TAF1L: variants seen among roughly 807,000 people sequenced by gnomAD.
TAF1L encodes transcription initiation factor TFIID subunit 1-like.
Under a neutral mutation model 128.8 loss-of-function variants are expected in TAF1L, and 30 were observed. The ratio of observed to expected loss-of-function variants is 0.23; its 90% confidence interval spans 0.17 to 0.32. The LOEUF (loss-of-function observed/expected upper bound fraction) is 0.32. Ranked by LOEUF, TAF1L falls within the 10% of genes least tolerant of loss-of-function variation. The pLI is 1.00. For missense variants in TAF1L, 2,099 were observed against 2,253.7 expected (o/e 0.93, Z 1.39); for synonymous variants, 764 against 790.7 (o/e 0.97, Z 0.57).
At position 32,631,666 on chromosome 9, in the gene TAF1L, T is replaced by C; in HGVS notation, c.3914A>G (p.Asn1305Ser). ...GGCAACAGGTTTCGAAGGTGGCACA[T>C]TTGTTTGATAATAGAGGGGGCAGAA... ...NKFCPLYYQT[N>S]VPPSKPVAMT... Residue 1305 changes from asparagine (N) to serine (S), a missense_variant, in exon 1 of 1, where the codon AAT (asparagine) becomes AGT (serine). Around this residue, in one of 4 missense-constraint regions of TAF1L, gnomAD observed 1,213 missense variants for 1,391.4 expected, o/e 0.87. Coordinates refer to ENST00000242310, the MANE Select transcript of TAF1L (RefSeq NM_153809.2). The surrounding 1 kb of genome is among the most constrained non-coding windows in gnomAD (Gnocchi z 4.1). 2.5e-6 allele frequency: 4 copies of C among 1,614,202 alleles called. No homozygotes were observed. Among genetic ancestry groups the C allele is most frequent in the Non-Finnish European group, 3.4e-6 (4 of 1,180,022 alleles).
At position 32,633,700 on chromosome 9, in the gene TAF1L, C is replaced by A; in HGVS notation, c.1880G>T (p.Gly627Val). The change falls in exon 1 of 1, where the codon GGG becomes GTG. Residue 627 changes from glycine (G) to valine (V), a missense_variant. By Grantham distance (109) the Gly-to-Val change is moderately radical. Coordinates refer to ENST00000242310, the MANE Select transcript of TAF1L (RefSeq NM_153809.2). ...ATGGAACTGCCGGATTTTGATGGGC[C>A]CCATGTGGGTGGGAAAGAAGGGCTG... ...LWQPFFPTHM[G>V]PIKIRQFHRP... The A allele has an allele frequency of 1.2e-6, 2 of 1,614,066 alleles. No individual in the cohort carries two copies. The highest frequency in any genetic ancestry group is 1.7e-6 in the Non-Finnish European group (2 of 1,180,016).
rs767578287 is a variant in TAF1L at position 32,633,263 on chromosome 9, G to C, written c.2317C>G (p.Leu773Val). The change falls in exon 1 of 1, where the codon CTT (leucine) becomes GTT (valine). Residue 773 changes from leucine to valine, a missense_variant. By Grantham distance (32) the Leu-to-Val change is conservative. Transcript: ENST00000242310. ...AAATCAGTTTCTGGCATCTTATGAAGATACACTGGAGCACGAAAAAGGTTG... is the reference window on the plus strand; with the variant it reads ...AAATCAGTTTCTGGCATCTTATGAACATACACTGGAGCACGAAAAAGGTTG... ...ENNLFRAPVY[L>V]HKMPETDFLI... 1 of 1,614,144 alleles carries C rather than the reference G, an allele frequency of 6.2e-7. No homozygotes were observed. The highest frequency in any genetic ancestry group is 8.5e-7 in the Non-Finnish European group (1 of 1,180,020).
Position 32,635,477 on chromosome 9 carries a change from A to G in TAF1L, c.103T>C (p.Phe35Leu), listed in dbSNP as rs1218310382. The change falls in exon 1 of 1, where the codon TTT becomes CTT. Residue 35 changes from phenylalanine (F) to leucine (L), a missense_variant. Coordinates refer to ENST00000242310, the MANE Select transcript of TAF1L (RefSeq NM_153809.2). ...CCGAAAAGGATACCCGCTAAAGTAA[A>G]TGGGCCACCTCCAGATGAATCTTCC... is the stretch of plus-strand genomic sequence containing the variant. ...SEEDSSGGGP[F>L]TLAGILFGNI... 1 of 1,614,096 alleles carries G rather than the reference A, an allele frequency of 6.2e-7. No homozygotes were observed. Among genetic ancestry groups the G allele is most frequent in the Non-Finnish European group, 8.5e-7 (1 of 1,180,010 alleles).
rs760309345 is a variant in TAF1L, at chr9:32,631,998, C to T, written c.3582G>A (p.Glu1194=). 3 of 1,614,228 alleles carry T rather than the reference C, an allele frequency of 1.9e-6. No individual in the cohort carries two copies. Among genetic ancestry groups the T allele is most frequent in the East Asian group, 4.5e-5 (2 of 44,888 alleles). ...LKIYRTFRDE[E]GKEYVRCETV... is the part of the protein sequence containing the mutation. ...TCTCACAGCGAACATACTCTTTCCC[C>T]TCTTCATCTCGAAATGTGCGATAAA... The change falls in exon 1 of 1, where the codon GAG becomes GAA. Residue 1194 remains glutamate (E), a synonymous_variant. Coordinates refer to ENST00000242310, the MANE Select transcript of TAF1L (RefSeq NM_153809.2). This position sits in a 1 kb window ranked among gnomAD's most constrained non-coding sequence, Gnocchi z 4.1.
In TAF1L at chr9:32,635,005, G is replaced by C. The variant is rs1822564531; in HGVS notation, c.575C>G (p.Pro192Arg). 3.7e-6 allele frequency: 6 copies of C among 1,614,080 alleles called. No homozygotes were observed. Among genetic ancestry groups the C allele is most frequent in the Non-Finnish European group, 5.1e-6 (6 of 1,180,010 alleles). ...CACTTTCTCTGAGGCCAAAAAGGAA[G>C]GGGCAATGATGGAGGGCAAGATGAT... ...EDIILPSIIA[P>R]SFLASEKVDF... The change falls in exon 1 of 1, where the codon CCT (proline) becomes CGT (arginine). Residue 192 changes from proline to arginine, a missense_variant. Transcript: ENST00000242310.
In TAF1L at chr9:32,631,055, G is replaced by A. The variant is rs775083365; in HGVS notation, c.4525C>T (p.Arg1509Cys). 11 of 1,614,058 alleles carry A rather than the reference G, an allele frequency of 6.8e-6. No homozygotes were observed. The highest frequency in any genetic ancestry group is 4.0e-5 in the African/African-American group (3 of 74,926). ...AAGGGGTTGATAGCTTTCTCTAAGC[G>A]AGCTAATTTGTCTTCTTTCTCTTTA... ...KLKEKEDKLA[R>C]LEKAINPLLD... The change falls in exon 1 of 1, where the codon CGC becomes TGC. Residue 1509 changes from arginine (R) to cysteine (C), a missense_variant. By Grantham distance (180) the Arg-to-Cys change is radical. Transcript: ENST00000242310. This position sits in a 1 kb window ranked among gnomAD's most constrained non-coding sequence, Gnocchi z 4.1.
At position 32,632,079 on chromosome 9, in the gene TAF1L, A is replaced by G. The variant is rs771826704; in HGVS notation, c.3501T>C (p.Asp1167=). 14 of 1,614,120 alleles carry G rather than the reference A, an allele frequency of 8.7e-6. No individual in the cohort carries two copies. The highest frequency in any genetic ancestry group is 1.6e-4 in the Middle Eastern group (1 of 6,062). Residue 1167 remains aspartate, a synonymous_variant, in exon 1 of 1, where the codon GAT becomes GAC. Transcript: ENST00000242310. The surrounding 1 kb of genome is among the most constrained non-coding windows in gnomAD (Gnocchi z 4.4). ...SAASGNNHRD[D]VTASMTSLKS... ...TAAGGCTAGTCATGGAAGCTGTGAC[A>G]TCATCTCTGTGATTGTTTCCTGATG...
At position 32,634,484 on chromosome 9, in the gene TAF1L, G is replaced by C; in HGVS notation, c.1096C>G (p.Arg366Gly). The change falls in exon 1 of 1, where the codon CGA (arginine) becomes GGA (glycine). Residue 366 changes from arginine (R) to glycine (G), a missense_variant. Around this residue, in one of 4 missense-constraint regions of TAF1L, gnomAD observed 1,213 missense variants for 1,391.4 expected, o/e 0.87. Transcript: ENST00000242310. ...RVAEWRYGPA[R>G]LWYDMLGVSE... Reference sequence around the variant, plus strand: ...ACACCCAGCATATCATACCACAGTCGGGCAGGCCCATAACGCCACTCAGCC... The same window carrying C: ...ACACCCAGCATATCATACCACAGTCCGGCAGGCCCATAACGCCACTCAGCC... 1.9e-6 allele frequency: 3 copies of C among 1,614,112 alleles called. No homozygotes were observed. The highest frequency in any genetic ancestry group is 2.5e-6 in the Non-Finnish European group (3 of 1,180,034).
Position 32,632,077 on chromosome 9 carries a change from A to G in TAF1L, c.3503T>C (p.Val1168Ala), listed in dbSNP as rs748012537. ...AASGNNHRDD[V>A]TASMTSLKSS... ...CTTAAGGCTAGTCATGGAAGCTGTG[A>G]CATCATCTCTGTGATTGTTTCCTGA... Residue 1168 changes from valine (V) to alanine (A), a missense_variant, in exon 1 of 1, where the codon GTC becomes GCC. Around this residue, in one of 4 missense-constraint regions of TAF1L, gnomAD observed 1,213 missense variants for 1,391.4 expected, o/e 0.87. Transcript: ENST00000242310. The surrounding 1 kb of genome is among the most constrained non-coding windows in gnomAD (Gnocchi z 4.4). 6.2e-7 allele frequency: 1 copy of G among 1,614,132 alleles called. No homozygotes were observed. Among genetic ancestry groups the G allele is most frequent in the Admixed American group, 1.7e-5 (1 of 60,020 alleles).
rs775521378 is a variant in TAF1L at position 32,634,675 on chromosome 9, T to A, written c.905A>T (p.Glu302Val). 1 of 1,614,148 alleles carries A rather than the reference T, an allele frequency of 6.2e-7. No individual in the cohort carries two copies. Among genetic ancestry groups the A allele is most frequent in the South Asian group, 1.1e-5 (1 of 91,080 alleles). Residue 302 changes from glutamate (E) to valine (V), a missense_variant, in exon 1 of 1, where the codon GAA (glutamate) becomes GTA (valine). By Grantham distance (121) the Glu-to-Val change is moderately radical. This residue lies in a region of TAF1L where 473 missense variants were observed against 429.6 expected (regional missense o/e 1.10). Coordinates refer to ENST00000242310, the MANE Select transcript of TAF1L (RefSeq NM_153809.2). ...EQIQEVECSV[E>V]SEVSQKSLWN... ...CAAAGACTTCTGGCTGACTTCTGAT[T>A]CTACTGAGCATTCCACCTCCTGGAT...
At position 32,629,807 on chromosome 9, in the gene TAF1L, C is replaced by A. The variant is rs1822493390; in HGVS notation, c.*292G>T. On this transcript the variant is annotated 3_prime_UTR_variant, in exon 1 of 1. Coordinates refer to ENST00000242310, the MANE Select transcript of TAF1L (RefSeq NM_153809.2). ...CGAGTATCTGGGGATTACAGGCGTG[C>A]ACCACCACACCTGGCTAATTTTTGT... 1 of 538,226 alleles carries A rather than the reference C, an allele frequency of 1.9e-6. No individual in the cohort carries two copies. The highest frequency in any genetic ancestry group is 3.3e-6 in the Non-Finnish European group (1 of 304,598). The allele number at this position is 538,226 out of a possible 1,614,324, so 33.3% of individuals were successfully genotyped here.
In TAF1L at chr9:32,635,052, A is replaced by G. The variant is rs995990072; in HGVS notation, c.528T>C (p.Cys176=). 2 of 1,613,994 alleles carry G rather than the reference A, an allele frequency of 1.2e-6. No individual in the cohort carries two copies. Among genetic ancestry groups the G allele is most frequent in the African/African-American group, 2.7e-5 (2 of 74,886 alleles). ...KKDKDQDAIT[C]VSESGEDIIL... is the part of the protein sequence containing the mutation. Reference sequence around the variant, plus strand: ...TGATGTCTTCTCCACTTTCAGACACACAGGTAATAGCATCTTGGTCCTTAT... The same window carrying G: ...TGATGTCTTCTCCACTTTCAGACACGCAGGTAATAGCATCTTGGTCCTTAT... The change falls in exon 1 of 1, where the codon TGT becomes TGC. Residue 176 remains cysteine (C), a synonymous_variant. Coordinates refer to ENST00000242310, the MANE Select transcript of TAF1L (RefSeq NM_153809.2).
At position 32,631,080 on chromosome 9, in the gene TAF1L, A is replaced by C. The variant is rs150462720; in HGVS notation, c.4500T>G (p.Leu1500=). ...QSMLDLCDEK[L]KEKEDKLARL... is the part of the protein sequence containing the mutation. ...GAGCTAATTTGTCTTCTTTCTCTTT[A>C]AGTTTTTCATCACAGAGATCCAGCA... Residue 1500 remains leucine, a synonymous_variant, in exon 1 of 1, where the codon CTT becomes CTG. Coordinates refer to ENST00000242310, the MANE Select transcript of TAF1L (RefSeq NM_153809.2). This position sits in a 1 kb window ranked among gnomAD's most constrained non-coding sequence, Gnocchi z 4.1. 1.9e-5 allele frequency: 31 copies of C among 1,614,048 alleles called. No homozygotes were observed. The highest frequency in any genetic ancestry group is 2.5e-5 in the Non-Finnish European group (30 of 1,180,036).
At position 32,633,373 on chromosome 9, in the gene TAF1L, C is replaced by T; in HGVS notation, c.2207G>A (p.Cys736Tyr). The stretch of plus-strand genomic sequence containing the variant: ...GCAGTAAACAGTTTCCCCATATTTA[C>T]AATCTGGTGCTCCAGGATCTTTGCC... The part of the protein sequence containing the change: ...KPGKDPGAPD[C>Y]KYGETVYCHT... The change falls in exon 1 of 1, where the codon TGT becomes TAT. Residue 736 changes from cysteine to tyrosine, a missense_variant. By Grantham distance (194) the Cys-to-Tyr change is radical. Coordinates refer to ENST00000242310, the MANE Select transcript of TAF1L (RefSeq NM_153809.2). 6.2e-7 allele frequency: 1 copy of T among 1,614,222 alleles called. No individual in the cohort carries two copies. Among genetic ancestry groups the T allele is most frequent in the African/African-American group, 1.3e-5 (1 of 75,046 alleles).
Position 32,634,015 on chromosome 9 carries a change from T to A in TAF1L, c.1565A>T (p.Asp522Val). ...CAAAATGAGGTTCTCATCATTGGGA[T>A]CAAGTGCCAAAACAGGAGGTTCCAA... The part of the protein sequence containing the change: ...RLLEPPVLAL[D>V]PNDENLILEI... Residue 522 changes from aspartate to valine, a missense_variant, in exon 1 of 1, where the codon GAT (aspartate) becomes GTT (valine). This residue lies in a region of TAF1L where 1,213 missense variants were observed against 1,391.4 expected (regional missense o/e 0.87). Coordinates refer to ENST00000242310, the MANE Select transcript of TAF1L (RefSeq NM_153809.2). The A allele has an allele frequency of 6.2e-7, 1 of 1,614,142 alleles. No homozygotes were observed. Among genetic ancestry groups the A allele is most frequent in the Non-Finnish European group, 8.5e-7 (1 of 1,180,038 alleles).
In TAF1L at chr9:32,634,972, C is replaced by G. The variant is rs765803889; in HGVS notation, c.608G>C (p.Ser203Thr). ...CTCAGATTCTGAATCAGAGTAACTA[C>G]TGAAATCCACTTTCTCTGAGGCCAA... ...SFLASEKVDF[S>T]SYSDSESEMG... Residue 203 changes from serine (S) to threonine (T), a missense_variant, in exon 1 of 1, where the codon AGT (serine) becomes ACT (threonine). By Grantham distance (58) the Ser-to-Thr change is moderately conservative (BLOSUM62 1). Around this residue, in one of 4 missense-constraint regions of TAF1L, gnomAD observed 473 missense variants for 429.6 expected, o/e 1.10. Transcript: ENST00000242310. 9 of 1,614,016 alleles carry G rather than the reference C, an allele frequency of 5.6e-6. No individual in the cohort carries two copies. The highest frequency in any genetic ancestry group is 1.6e-4 in the Middle Eastern group (1 of 6,084).
Position 32,634,389 on chromosome 9 carries a change from T to G in TAF1L, c.1191A>C (p.Lys397Asn). The change falls in exon 1 of 1, where the codon AAA becomes AAC. Residue 397 changes from lysine (K) to asparagine (N), a missense_variant. By Grantham distance (94) the Lys-to-Asn change is moderately conservative (BLOSUM62 0). Around this residue, in one of 4 missense-constraint regions of TAF1L, gnomAD observed 1,213 missense variants for 1,391.4 expected, o/e 0.87. Transcript: ENST00000242310. ...LRKTQHEPVI[K>N]SRMMEEFRKL... ...TCCTAAATTCCTCCATCATTCTAGA[T>G]TTTATCACAGGTTCATGTTGTGTCT... 6.2e-7 allele frequency: 1 copy of G among 1,614,216 alleles called. No individual in the cohort carries two copies. Among genetic ancestry groups the G allele is most frequent in the South Asian group, 1.1e-5 (1 of 91,084 alleles).
chr9:32,634,587 C>T lies in TAF1L; in HGVS notation c.993G>A (p.Thr331=), dbSNP rs754757609. ...ATTTGGACTCCACAGGAACCATCAT[C>T]GTGATTTCATCATCAGCGAGACACT... The part of the protein sequence containing the change: ...PEQCLADDEI[T]MMVPVESKFS... The change falls in exon 1 of 1, where the codon ACG becomes ACA. Residue 331 remains threonine (T), a synonymous_variant. Transcript: ENST00000242310. 1.2e-6 allele frequency: 2 copies of T among 1,614,064 alleles called. No individual in the cohort carries two copies. The highest frequency in any genetic ancestry group is 1.7e-6 in the Non-Finnish European group (2 of 1,180,052).
chr9:32,634,330 G>C lies in TAF1L; in HGVS notation c.1250C>G (p.Ala417Gly), dbSNP rs1254625306. 15 of 1,614,066 alleles carry C rather than the reference G, an allele frequency of 9.3e-6. No individual in the cohort carries two copies. The highest frequency in any genetic ancestry group is 1.3e-5 in the Non-Finnish European group (15 of 1,180,038). ...TGTCACCATCAGGAAGTTTTCGTCA[G>C]CCAGAAGATCAGTGCCATTGCTTTC... ...LEESNGTDLL[A>G]DENFLMVTQL... Residue 417 changes from alanine to glycine, a missense_variant, in exon 1 of 1, where the codon GCT becomes GGT. Coordinates refer to ENST00000242310, the MANE Select transcript of TAF1L (RefSeq NM_153809.2).
Sources: gnomAD v4.1 joint callset for allele counts on GRCh38, gnomAD v4.1.1 for gene constraint, gnomAD v4.1.1 regional missense constraint, Gnocchi (gnomAD v3.1) non-coding constraint, MANE v1.5 for transcripts, NCBI Gene and HGNC (gene_info 2026-07-23, HGNC 2026-07-21) for gene names.